PDE8B: variants seen among roughly 807,000 people sequenced by gnomAD.
The protein encoded by PDE8B is high affinity cAMP-specific and IBMX-insensitive 3',5'-cyclic phosphodiesterase 8B.
In PDE8B, 26 loss-of-function variants were observed where a neutral mutation model predicts 101.3. The ratio of observed to expected loss-of-function variants is 0.26; its 90% CI spans 0.19 to 0.36. The LOEUF is 0.36. Ranked by LOEUF, PDE8B falls within the 10% of genes least tolerant of loss-of-function variation. PDE8B has a pLI of 1.00. For synonymous variants in PDE8B, 424 were observed against 429.3 expected (o/e 0.99, Z 0.15); for missense variants, 810 against 1,163.1 (o/e 0.70, Z 4.42).
At chr5:77,348,305 C>T (rs1047847558) in intron 7 of PDE8B, among the ~76,000 whole-genome samples, 4 of 152,158 alleles carry the variant, frequency 2.6e-5, no homozygotes, top group East Asian at 3.9e-4. Flanking sequence ...CATTCTTCAC[C>T]GCTTGTCTCT....
At chr5:77,345,908 C>T (rs574626187) in intron 7 of PDE8B, among the ~76,000 whole-genome samples, 1 of 152,274 alleles carries the variant, frequency 6.6e-6, no homozygotes, top group South Asian at 2.1e-4. Flanking sequence ...TGCACACATA[C>T]ACACCTTGTT....
the PDE8B span, chr5:77,145,841 C>T: frequency 0.03 from 4,548 of 152,224 alleles, 86 homozygotes; most frequent in Non-Finnish European, 0.04. Context: ...GATAAAACTA[C>T]TCAGCTGCAA....
the PDE8B span, among the ~76,000 whole-genome samples, chr5:77,136,264 T>A: frequency 6.6e-6 from 1 of 152,244 alleles, no homozygotes; most frequent in Non-Finnish European, 1.5e-5. Flanking sequence ...TGTCTCTACT[T>A]CCTCTAAGTA....
the PDE8B span, among the ~76,000 whole-genome samples, chr5:77,155,984 A>G: frequency 6.6e-6 from 1 of 152,200 alleles, no homozygotes; most frequent in South Asian, 2.1e-4. Flanking sequence ...CGGAAGGGAA[A>G]ATGTTACATA....
chr5:77,192,878 T>G, the PDE8B span, among the ~76,000 whole-genome samples: 1 of 152,212 alleles, frequency 6.6e-6, no homozygotes, highest in African/African-American at 2.4e-5. Context: ...GCCATTTTAG[T>G]GGCTGTATGC....
intron 10 of PDE8B, among the ~76,000 whole-genome samples, chr5:77,385,852 G>A (rs571379233): frequency 2.3e-5 from 3 of 132,252 alleles, no homozygotes; most frequent in African/African-American, 5.8e-5. Flanking sequence ...GCAATGGCAC[G>A]ATCTCAGCTC....
intron 1 of PDE8B, among the ~76,000 whole-genome samples, chr5:77,296,849 T>C (rs886970698): frequency 2.0e-5 from 3 of 152,176 alleles, no homozygotes; most frequent in Admixed American, 6.5e-5. Flanking sequence ...CCAGCTCTTA[T>C]GTGTACTTCT....
chr5:77,191,346 A>G, the PDE8B span, among the ~76,000 whole-genome samples: 1 of 152,024 alleles, frequency 6.6e-6, no homozygotes, highest in East Asian at 1.9e-4. Flanking sequence ...TTTATGTACA[A>G]TAAAACATAT....
intron 1 of PDE8B, among the ~76,000 whole-genome samples, chr5:77,243,907 T>C (rs1410033711): frequency 6.6e-6 from 1 of 152,186 alleles, no homozygotes; most frequent in Non-Finnish European, 1.5e-5. Flanking sequence ...CTTAAGTCAT[T>C]GCCAAAATGT....
intron 10 of PDE8B, among the ~76,000 whole-genome samples, chr5:77,378,220 G>A (rs978516766): frequency 6.6e-6 from 1 of 152,126 alleles, no homozygotes; most frequent in East Asian, 1.9e-4. Flanking sequence ...CAGTACTTTG[G>A]GAGGCTGAGG....
Position 77,364,723 on chromosome 5 carries a change from C to T in PDE8B, c.1167+11317C>T, listed in dbSNP as rs76626277. Reference sequence around the variant, plus strand: ...AGGATGGGAGGCTGAACAGCTGCAACGTATGTACTCGAGGGTCTGGGGAGG... The same window carrying T: ...AGGATGGGAGGCTGAACAGCTGCAATGTATGTACTCGAGGGTCTGGGGAGG... On this transcript the variant is annotated intron_variant, in intron 10 of 21. Coordinates refer to ENST00000264917, the MANE Select transcript of PDE8B (RefSeq NM_003719.5). 5.2e-3 allele frequency among the ~76,000 whole-genome samples: 796 copies of T among 152,000 alleles called. 5 individuals are homozygous for T. The highest frequency in any genetic ancestry group is 0.018 in the African/African-American group (763 of 41,436).
intron 1 of PDE8B, among the ~76,000 whole-genome samples, chr5:77,305,280 C>T (rs752085993): frequency 2.9e-4 from 44 of 152,172 alleles, no homozygotes; most frequent in Non-Finnish European, 5.9e-4. Flanking sequence ...AGGTTGAGAA[C>T]TTCTAGACCA....
At chr5:77,225,417 G>C (rs1002054954) in intron 1 of PDE8B, among the ~76,000 whole-genome samples, 1 of 152,110 alleles carries the variant, frequency 6.6e-6, no homozygotes, top group African/African-American at 2.4e-5. Flanking sequence ...GAGTAGCCAC[G>C]TTGGCTCCTG....
intron 10 of PDE8B, among the ~76,000 whole-genome samples, chr5:77,369,997 A>G (rs1784807423): frequency 6.6e-6 from 1 of 152,244 alleles, no homozygotes; most frequent in Non-Finnish European, 1.5e-5. Context: ...TCTACCGTTA[A>G]CATTTTACTA....
At chr5:77,286,469 C>T (rs1222433894) in intron 1 of PDE8B, among the ~76,000 whole-genome samples, 1 of 152,198 alleles carries the variant, frequency 6.6e-6, no homozygotes. Flanking sequence ...CTGTGGCCTG[C>T]CCTCATGGCA....
At chr5:77,248,710 G>A (rs1404168625) in intron 1 of PDE8B, among the ~76,000 whole-genome samples, 1 of 152,186 alleles carries the variant, frequency 6.6e-6, no homozygotes, top group African/African-American at 2.4e-5. Context: ...ATCGTATGTG[G>A]TGCTATGGAC....
chr5:77,246,323 A>G (rs1051440760), intron 1 of PDE8B, among the ~76,000 whole-genome samples: 1 of 152,218 alleles, frequency 6.6e-6, no homozygotes, highest in Non-Finnish European at 1.5e-5. Context: ...GGCAGGTCCC[A>G]GGACAGTTAG....
chr5:77,152,541 TA>T, the PDE8B span, among the ~76,000 whole-genome samples: 1 of 152,224 alleles, frequency 6.6e-6, no homozygotes, highest in African/African-American at 2.4e-5. Flanking sequence ...GGGGCAGTTT[TA>T]ATATACCTGG....
intron 1 of PDE8B, among the ~76,000 whole-genome samples, chr5:77,247,751 A>T (rs115470920): frequency 0.013 from 1,917 of 152,174 alleles, 35 homozygotes; most frequent in African/African-American, 0.044. Context: ...CCTGAGGGCC[A>T]GTGTTCTGTA....
Sources: allele counts gnomAD v4.1 joint callset (sites outside exome capture counted in the v4.1 genomes callset), GRCh38; gene constraint gnomAD v4.1.1; transcripts MANE v1.5; gene names NCBI Gene and HGNC (gene_info 2026-07-23, HGNC 2026-07-21).